Variants in SLC14A2 observed in about 807,000 individuals in gnomAD.
SLC14A2 encodes the protein urea transporter 2.
In SLC14A2, 91 loss-of-function variants were observed where a neutral mutation model predicts 104.6. The observed-to-expected ratio is 0.87, with a 90% confidence interval of 0.73 to 1.04. The LOEUF (loss-of-function observed/expected upper bound fraction) is 1.04. Among genes scored for constraint, SLC14A2 ranks in the 50% least tolerant of loss-of-function variants. The pLI is 0.00. For missense variants in SLC14A2, 1,189 were observed against 1,156.0 expected, an observed-to-expected ratio of 1.03 and a Z score of -0.41; for synonymous variants, 476 against 466.4, an observed-to-expected ratio of 1.02 and a Z score of -0.27.
chr18:45,489,775 G>C (rs910258421), intron 2 of SLC14A2: 3 of 152,142 alleles, frequency 2.0e-5, no homozygotes, highest in Admixed American at 6.5e-5. Flanking sequence ...ACAAAGTGTA[G>C]AAAAAACTGG....
rs72437878 is a variant in SLC14A2, at chr18:45,678,954, CT to C, written c.2513-5del. On this transcript the variant is annotated intron_variant, in intron 18 of 19. Transcript: ENST00000255226. The stretch of plus-strand genomic sequence containing the variant: ...TAAATAGTTACTGGTCTATTTCTTT[CT>C]TTTTTTTTTTTTTTTCTAGCACTGT... The C allele has an allele frequency of 0.046, 63,703 of 1,397,250 alleles. 132 individuals are homozygous for C. The highest frequency in any genetic ancestry group is 0.098 in the African/African-American group (6,457 of 65,758). 86.6% of individuals were successfully genotyped at this position (1,397,250 alleles called of 1,614,324 possible).
intron 1 of SLC14A2, among the ~76,000 whole-genome samples, chr18:45,290,858 G>C (rs185090850): frequency 6.6e-6 from 1 of 152,142 alleles, no homozygotes; most frequent in African/African-American, 2.4e-5. Context: ...ATAGAACACA[G>C]TGCTGCCTGA....
At chr18:45,391,908 T>C (rs1401344731) in intron 1 of SLC14A2, among the ~76,000 whole-genome samples, 2 of 152,246 alleles carry the variant, frequency 1.3e-5, no homozygotes, top group South Asian at 4.1e-4. Flanking sequence ...TTTCTTTTGC[T>C]GTGCAGAAGC....
intron 1 of SLC14A2, among the ~76,000 whole-genome samples, chr18:45,480,682 C>T (rs2087475189): frequency 6.6e-6 from 1 of 152,210 alleles, no homozygotes. Flanking sequence ...ATGCCCACTG[C>T]CACCTTCCCC....
At chr18:45,186,235 TAATA>T in the SLC14A2 span, among the ~76,000 whole-genome samples, 4 of 152,158 alleles carry the variant, frequency 2.6e-5, no homozygotes, top group African/African-American at 9.7e-5. Context: ...AAATCTGTAA[TAATA>T]AAGACTATAT....
At chr18:45,170,130 T>C in the SLC14A2 span, among the ~76,000 whole-genome samples, 4 of 152,192 alleles carry the variant, frequency 2.6e-5, no homozygotes, top group Non-Finnish European at 4.4e-5. Flanking sequence ...GGGTCACTTT[T>C]GAGTCGTGGC....
At chr18:45,588,224 T>A (rs1200158482) in intron 2 of SLC14A2, among the ~76,000 whole-genome samples, 1 of 151,946 alleles carries the variant, frequency 6.6e-6, no homozygotes, top group Non-Finnish European at 1.5e-5. Context: ...GCTGGGGAAA[T>A]GGTGGGCTCC....
chr18:45,220,125 A>C (rs181295131), intron 1 of SLC14A2, among the ~76,000 whole-genome samples: 84 of 152,318 alleles, frequency 5.5e-4, no homozygotes, highest in Middle Eastern at 6.8e-3. Flanking sequence ...ATTGCTCTCT[A>C]TCAGCTGAAG....
intron 2 of SLC14A2, among the ~76,000 whole-genome samples, chr18:45,556,867 C>G (rs1412218904): frequency 6.6e-6 from 1 of 152,184 alleles, no homozygotes; most frequent in African/African-American, 2.4e-5. Context: ...TCCTGAGACA[C>G]ACCACTCTTA....
At chr18:45,641,483 C>A in intron 8 of SLC14A2, 140 bp downstream of exon 8, 3 of 875,786 alleles carry the variant, frequency 3.4e-6, no homozygotes, top group Non-Finnish European at 5.3e-6. Context: ...AATGCCAGTG[C>A]TGCCCTTAAC....
chr18:45,414,760 ATATATATATATATATAT>A (rs2086256518), intron 1 of SLC14A2, among the ~76,000 whole-genome samples: 16 of 55,290 alleles, frequency 2.9e-4, no homozygotes, highest in African/African-American at 1.1e-3. Flanking sequence ...AAAAAAAAAT[ATATATATATATATATAT>A]ATATATATAT....
At chr18:45,631,081 T>C (rs1397654692) in intron 4 of SLC14A2, among the ~76,000 whole-genome samples, 1 of 152,208 alleles carries the variant, frequency 6.6e-6, no homozygotes, top group Non-Finnish European at 1.5e-5. Context: ...CCTTCCTGCA[T>C]CTCAGGGAGC....
chr18:45,341,745 C>T (rs899448937), intron 1 of SLC14A2, among the ~76,000 whole-genome samples: 1 of 151,782 alleles, frequency 6.6e-6, no homozygotes, highest in Non-Finnish European at 1.5e-5. Flanking sequence ...GGTGCCACCA[C>T]ACCTGGCTAA....
intron 2 of SLC14A2, among the ~76,000 whole-genome samples, chr18:45,562,987 C>T (rs2044220698): frequency 6.6e-6 from 1 of 152,164 alleles, no homozygotes; most frequent in Non-Finnish European, 1.5e-5. Flanking sequence ...TTTATAGTTC[C>T]TCGGGGCTTT....
intron 2 of SLC14A2, among the ~76,000 whole-genome samples, chr18:45,567,756 T>C (rs2144327318): frequency 6.6e-6 from 1 of 152,258 alleles, no homozygotes; most frequent in East Asian, 1.9e-4. Flanking sequence ...CATTGGACAG[T>C]TACTGGGTTC....
At chr18:45,293,386 G>A (rs1226593357) in intron 1 of SLC14A2, among the ~76,000 whole-genome samples, 1 of 152,104 alleles carries the variant, frequency 6.6e-6, no homozygotes. Context: ...CACAACACTT[G>A]TCTTCATGAA....
intron 2 of SLC14A2, among the ~76,000 whole-genome samples, chr18:45,568,156 T>C (rs2044293773): frequency 6.6e-6 from 1 of 152,128 alleles, no homozygotes; most frequent in Admixed American, 6.5e-5. Context: ...ATGAGCAGCC[T>C]CCCTCCTGTG....
intron 5 of SLC14A2, among the ~76,000 whole-genome samples, chr18:45,633,439 TAAG>T (rs1359022956): frequency 1.3e-5 from 2 of 152,206 alleles, no homozygotes; most frequent in Admixed American, 6.5e-5. Flanking sequence ...CTAGATGAAA[TAAG>T]AAGGTCACCA....
the SLC14A2 span, among the ~76,000 whole-genome samples, chr18:45,204,810 TAAAAAA>T: frequency 7.2e-6 from 1 of 138,200 alleles, no homozygotes; most frequent in Non-Finnish European, 1.6e-5. Flanking sequence ...ATCACTGAGA[TAAAAAA>T]AAAAAAAAAA....
Sources: allele counts gnomAD v4.1 joint callset (sites outside exome capture counted in the v4.1 genomes callset), GRCh38; gene constraint gnomAD v4.1.1; transcripts MANE v1.5; gene names NCBI Gene and HGNC (gene_info 2026-07-23, HGNC 2026-07-21).